The following C10orf105 variants were observed in gnomAD, a reference collection of about 807,000 sequenced individuals.
The protein encoded by C10orf105 is uncharacterized protein C10orf105.
In C10orf105, 2 loss-of-function variants were observed where a neutral mutation model predicts 0.6. That is an observed-to-expected ratio of 3.18 (90% CI 1.30 to 10.01). The LOEUF (loss-of-function observed/expected upper bound fraction) is 10.01, where lower values mean the gene tolerates loss of function less well. Among genes scored for constraint, C10orf105 ranks in the 30% most tolerant of loss-of-function variants. The pLI, the probability that C10orf105 is intolerant of heterozygous loss-of-function variation, is 0.04. For missense variants in C10orf105, 209 were observed against 191.4 expected, an observed-to-expected ratio of 1.09 and a Z score of -0.54; for synonymous variants, 95 against 82.4, an observed-to-expected ratio of 1.15 and a Z score of -0.83.
chr10:71,732,275 T>C lies in C10orf105; in HGVS notation c.-6+5453A>G, dbSNP rs1364542092. ...GCACTGGGTACTGAGATTGTGCGGG[T>C]CCAGGCCTACTCCATCGACAACCTC... is the stretch of plus-strand genomic sequence containing the variant. On this transcript the variant is annotated intron_variant, in intron 1 of 1. Coordinates refer to the C10orf105 transcript ENST00000398786. 5.6e-6 allele frequency: 9 copies of C among 1,613,202 alleles called. No homozygotes were observed. In the East Asian group the frequency reaches 6.7e-5, roughly 12 times the overall value.
In C10orf105 at chr10:71,725,602, G is replaced by T. The variant is rs561625497; in HGVS notation, c.-5-9260C>A. On this transcript the variant is annotated intron_variant, in intron 1 of 1. Transcript: ENST00000398786. ...AGAACAGAGAAGGCCATTAGTTGGC[G>T]CCTGGTGTGGGCAGGGCCACCACTG... The T allele has an allele frequency of 6.1e-6, 9 of 1,474,112 alleles. No individual in the cohort carries two copies. The South Asian group carries it at 1.2e-4, about 19-fold the overall frequency. 91.3% of individuals were successfully genotyped at this position (1,474,112 alleles called of 1,614,324 possible).
chr10:71,732,255 G>A (rs746797695), intron 1 of C10orf105: 6 of 1,613,742 alleles, frequency 3.7e-6, no homozygotes, highest in Non-Finnish European at 5.1e-6. Context: ...ATCTGGCACT[G>A]GGTACTGAGA....
upstream of C10orf105, among the ~76,000 whole-genome samples, chr10:71,720,748 A>G (rs1451249546): frequency 6.6e-6 from 1 of 152,172 alleles, no homozygotes; most frequent in Admixed American, 6.5e-5. Flanking sequence ...AAAGCTGGAG[A>G]GGTCCTCAGG....
chr10:71,725,254 C>G (rs1866752614), intron 1 of C10orf105: 1 of 1,520,724 alleles, frequency 6.6e-7, no homozygotes, highest in Non-Finnish European at 9.1e-7. Flanking sequence ...CCCAGAAGAC[C>G]CGCAGCCTCC....
In C10orf105 at chr10:71,727,232, C is replaced by A. The variant is rs192341992; in HGVS notation, c.-6+10496G>T. Among the ~76,000 whole-genome samples the A allele has an allele frequency of 3.3e-5, 5 of 152,342 alleles. No individual in the cohort carries two copies. The South Asian group carries it at 1.0e-3, about 32-fold the overall frequency. ...AGCCGACTTGTTCAGGGTCACACAGCGGTAAGGGTGGAGCCAGGCTTCATG... is the reference window on the plus strand; with the variant it reads ...AGCCGACTTGTTCAGGGTCACACAGAGGTAAGGGTGGAGCCAGGCTTCATG... On this transcript the variant is annotated intron_variant, in intron 1 of 1. Transcript: ENST00000398786.
At chr10:71,723,870 G>A (rs1276045008), upstream of C10orf105, among the ~76,000 whole-genome samples, 1 of 152,148 alleles carries the variant, frequency 6.6e-6, no homozygotes, top group East Asian at 1.9e-4. Context: ...ATCCTCTTGG[G>A]GATTAGAAAG....
rs141837285 is a variant in C10orf105, at chr10:71,713,278, A to G, written c.*2658T>C. The G allele has an allele frequency of 8.1e-4, 630 of 779,474 alleles. 7 individuals are homozygous for G. In the East Asian group the frequency reaches 0.011, roughly 14 times the overall value. 48.3% of individuals were successfully genotyped at this position (779,474 alleles called of 1,614,324 possible). The stretch of plus-strand genomic sequence containing the variant: ...GCTCCTTTGCCCAGGGAGCAGGCGC[A>G]ACAGCTCCAAGGCTCAGAGGGAGAG... On this transcript the variant is annotated 3_prime_UTR_variant, in exon 2 of 2. Coordinates refer to ENST00000441508, the MANE Select transcript of C10orf105 (RefSeq NM_001164375.3).
At chr10:71,730,507 C>G in intron 1 of C10orf105, 8 of 1,613,936 alleles carry the variant, frequency 5.0e-6, no homozygotes, top group Non-Finnish European at 5.9e-6. Flanking sequence ...ATGAGGCCCC[C>G]GTGTTCACAC....
rs925360586 is a variant in C10orf105 at position 71,713,237 on chromosome 10, G to C, written c.*2699C>G. Reference sequence around the variant, plus strand: ...AGGCTCCCCTCTTGGGAAGTAAACAGGCACAAGAAGAAAGGGCTCCTTTGC... The same window carrying C: ...AGGCTCCCCTCTTGGGAAGTAAACACGCACAAGAAGAAAGGGCTCCTTTGC... On this transcript the variant is annotated 3_prime_UTR_variant, in exon 2 of 2. Coordinates refer to ENST00000441508, the MANE Select transcript of C10orf105 (RefSeq NM_001164375.3). The C allele has an allele frequency of 1.3e-6, 1 of 779,298 alleles. No homozygotes were observed. Among genetic ancestry groups the C allele is most frequent in the African/African-American group, 1.7e-5 (1 of 59,266 alleles). 48.3% of individuals were successfully genotyped at this position (779,298 alleles called of 1,614,324 possible).
intron 1 of C10orf105, chr10:71,732,425 T>C (rs1260677028): frequency 1.4e-5 from 21 of 1,549,424 alleles, no homozygotes; most frequent in Non-Finnish European, 1.7e-5. Flanking sequence ...TAACCAACAT[T>C]GGTTGAGCTC....
intron 1 of C10orf105, 55 bp from the exon 2 acceptor site, chr10:71,716,397 C>A: frequency 2.8e-6 from 4 of 1,407,282 alleles, no homozygotes; most frequent in Non-Finnish European, 2.8e-6. Context: ...CCCAGGGCAG[C>A]GGGTATAGGG....
At chr10:71,737,782 G>T (rs577774018) in exon 1 of C10orf105, 2 of 468,630 alleles carry the variant, frequency 4.3e-6, no homozygotes, top group African/African-American at 2.0e-5. Flanking sequence ...GGCCTCACCC[G>T]CGGCAGGCCT....
intron 1 of C10orf105, among the ~76,000 whole-genome samples, chr10:71,729,646 A>G (rs539809423): frequency 2.6e-5 from 4 of 152,322 alleles, no homozygotes; most frequent in South Asian, 2.1e-4. Context: ...AAGGTGCACA[A>G]GTAAAGAGTA....
intron 1 of C10orf105, among the ~76,000 whole-genome samples, chr10:71,719,052 T>A (rs2132783499): frequency 6.6e-6 from 1 of 151,948 alleles, no homozygotes; most frequent in South Asian, 2.1e-4. Flanking sequence ...CGCTACAGCC[T>A]GAGCGACAGA....
chr10:71,731,859 C>A, intron 1 of C10orf105: 1 of 894,832 alleles, frequency 1.1e-6, no homozygotes. Context: ...GATGATCCTG[C>A]CGGCAGAGGT....
At chr10:71,732,943 A>C (rs1336464469) in intron 1 of C10orf105, among the ~76,000 whole-genome samples, 4 of 152,032 alleles carry the variant, frequency 2.6e-5, no homozygotes, top group Non-Finnish European at 5.9e-5. Context: ...TCCCTCCCAC[A>C]CACCACGCAA....
intron 1 of C10orf105, chr10:71,717,891 A>G (rs527509817): frequency 6.6e-6 from 1 of 152,250 alleles, no homozygotes; most frequent in South Asian, 2.1e-4. Context: ...AGCCAAATAA[A>G]CTTGATTTCA....
At chr10:71,732,646 A>G (rs1839430851) in intron 1 of C10orf105, 1 of 1,393,750 alleles carries the variant, frequency 7.2e-7, no homozygotes, top group Non-Finnish European at 9.3e-7. Context: ...CAAAGAAACA[A>G]AAAAAAGTCC....
chr10:71,723,693 G>A (rs546428488), upstream of C10orf105, among the ~76,000 whole-genome samples: 177 of 152,272 alleles, frequency 1.2e-3, no homozygotes, highest in African/African-American at 4.0e-3. Context: ...GGCTCTGAAA[G>A]GCTGCCGGGT....
Sources: allele counts gnomAD v4.1 joint callset (sites outside exome capture counted in the v4.1 genomes callset), GRCh38; gene constraint gnomAD v4.1.1; transcripts MANE v1.5; gene names NCBI Gene and HGNC (gene_info 2026-07-23, HGNC 2026-07-21).